Variants in DCLK2 observed in about 807,000 individuals in gnomAD.
DCLK2 encodes serine/threonine-protein kinase DCLK2.
A neutral mutation model predicts 78.4 loss-of-function variants in DCLK2; 31 were observed. The ratio of observed to expected loss-of-function variants is 0.40; its 90% CI spans 0.30 to 0.53. DCLK2 has a LOEUF of 0.53. Among genes scored for constraint, DCLK2 ranks in the 20% least tolerant of loss-of-function variants. The probability of loss-of-function intolerance (pLI) is 0.61; values close to 1 mark genes in which losing one functional copy is unlikely to be tolerated. For missense variants in DCLK2, 872 were observed against 973.7 expected (o/e 0.90, Z 1.39); for synonymous variants, 407 against 374.9 (o/e 1.09, Z -0.99).
chr4:150,088,236 G>A (rs1729780193), intron 1 of DCLK2, among the ~76,000 whole-genome samples: 2 of 152,100 alleles, frequency 1.3e-5, no homozygotes, highest in Admixed American at 6.6e-5. Flanking sequence ...AAGCCTGTGT[G>A]GGAGAACTTG....
chr4:150,079,691 A>G (rs142741339), intron 1 of DCLK2, among the ~76,000 whole-genome samples: 1 of 151,986 alleles, frequency 6.6e-6, no homozygotes, highest in Non-Finnish European at 1.5e-5. Flanking sequence ...GGTCAGGCCA[A>G]TTTAGGCACT....
chr4:150,154,706 T>C (rs1027273292), intron 2 of DCLK2, among the ~76,000 whole-genome samples: 1 of 152,318 alleles, frequency 6.6e-6, no homozygotes, highest in Non-Finnish European at 1.5e-5. Flanking sequence ...TGATGGTTTT[T>C]ATTGTTTGAT....
At chr4:150,137,170 T>C (rs1049673094) in intron 2 of DCLK2, among the ~76,000 whole-genome samples, 3 of 151,950 alleles carry the variant, frequency 2.0e-5, no homozygotes, top group Non-Finnish European at 4.4e-5. Context: ...AAATGGTGGC[T>C]GCAGCAGCTC....
intron 2 of DCLK2, among the ~76,000 whole-genome samples, chr4:150,135,907 A>G (rs1733653896): frequency 6.6e-6 from 1 of 152,230 alleles, no homozygotes; most frequent in African/African-American, 2.4e-5. Context: ...AGTGAGATGG[A>G]AACCATGGAC....
chr4:150,091,236 C>T (rs964668146), intron 1 of DCLK2, among the ~76,000 whole-genome samples: 1 of 152,284 alleles, frequency 6.6e-6, no homozygotes, highest in Non-Finnish European at 1.5e-5. Context: ...TGAAGGGTAT[C>T]GAATCATCTT....
chr4:150,124,994 A>G lies in DCLK2; in HGVS notation c.756+22182A>G, dbSNP rs1239135489. Among the ~76,000 whole-genome samples, 9 of 152,224 alleles carry G rather than the reference A, an allele frequency of 5.9e-5. No homozygotes were observed. In the South Asian group the frequency reaches 1.4e-3, roughly 24 times the overall value. ...ATATATTTATTTCCCCTGACACACA[A>G]TTCCATTATGAGACAAGTTTCACAC... On this transcript the variant is annotated intron_variant, in intron 2 of 15. Transcript: ENST00000296550.
chr4:150,212,968 C>G (rs1439910403), intron 5 of DCLK2, among the ~76,000 whole-genome samples: 1 of 152,302 alleles, frequency 6.6e-6, no homozygotes, highest in South Asian at 2.1e-4. Flanking sequence ...AGACACCTCT[C>G]TCATCACCCT....
intron 10 of DCLK2, among the ~76,000 whole-genome samples, chr4:150,235,606 G>A (rs1485629182): frequency 2.0e-5 from 3 of 152,140 alleles, no homozygotes; most frequent in African/African-American, 4.8e-5. Flanking sequence ...AGGCTCTTCC[G>A]AGCCTTCAGA....
chr4:150,152,955 A>G (rs1054141956), intron 2 of DCLK2, among the ~76,000 whole-genome samples: 19 of 152,238 alleles, frequency 1.2e-4, no homozygotes, highest in African/African-American at 4.6e-4. Flanking sequence ...GTTAAACAAA[A>G]TACCGTTAGA....
chr4:150,156,575 G>A (rs1022822386), intron 2 of DCLK2, among the ~76,000 whole-genome samples: 4 of 151,740 alleles, frequency 2.6e-5, no homozygotes, highest in African/African-American at 4.8e-5. Context: ...GAAGCCTGAG[G>A]TGGGAGATCA....
intron 2 of DCLK2, among the ~76,000 whole-genome samples, chr4:150,104,641 C>T (rs189867529): frequency 1.3e-5 from 2 of 152,100 alleles, no homozygotes; most frequent in East Asian, 3.9e-4. Context: ...CTTCTTTATT[C>T]ATGAGATCTA....
chr4:150,189,653 G>T (rs1441754064), intron 2 of DCLK2, among the ~76,000 whole-genome samples: 1 of 152,154 alleles, frequency 6.6e-6, no homozygotes, highest in Non-Finnish European at 1.5e-5. Flanking sequence ...GAGGTTAATT[G>T]ATGCCTAGAC....
chr4:150,078,990 C>T lies in DCLK2; in HGVS notation c.-38C>T, dbSNP rs1272108905. 2.7e-6 allele frequency: 4 copies of T among 1,505,578 alleles called. No homozygotes were observed. Among genetic ancestry groups the T allele is most frequent in the Non-Finnish European group, 3.5e-6 (4 of 1,130,742 alleles). 93.3% of individuals were successfully genotyped at this position (1,505,578 alleles called of 1,614,324 possible). On this transcript the variant is annotated 5_prime_UTR_variant, in exon 1 of 16. Transcript: ENST00000296550. Reference sequence around the variant, plus strand: ...CCGGCGCTCGCACCCTTAGTCGGCCCGGAACGTCTTTTTGCGGACGCCCTC... The same window carrying T: ...CCGGCGCTCGCACCCTTAGTCGGCCTGGAACGTCTTTTTGCGGACGCCCTC...
chr4:150,108,919 C>T (rs1474800733), intron 2 of DCLK2, among the ~76,000 whole-genome samples: 1 of 152,156 alleles, frequency 6.6e-6, no homozygotes, highest in Non-Finnish European at 1.5e-5. Flanking sequence ...CACTTCCAGA[C>T]TTTGGGACCA....
intron 2 of DCLK2, among the ~76,000 whole-genome samples, chr4:150,167,088 C>T (rs1431999479): frequency 6.6e-6 from 1 of 152,070 alleles, no homozygotes. Flanking sequence ...ATAAATTGTA[C>T]TCATCAGAAC....
Position 150,203,889 on chromosome 4 carries a change from G to C in DCLK2, c.1056G>C (p.Lys352Asn). The change falls in exon 5 of 16, where the codon AAG becomes AAC. Residue 352 changes from lysine to asparagine, a missense_variant and splice_region_variant. Physicochemically the swap from Lys to Asn is moderately conservative, Grantham distance 94. This residue lies in a region of DCLK2 where 567 missense variants were observed against 593.4 expected (regional missense o/e 0.96). Transcript: ENST00000296550. Reference protein sequence around the residue: ...PTSPGSFRGLKQISAHGRSSS... With the variant: ...PTSPGSFRGLNQISAHGRSSS... ...GTCCAGGAAGTTTCAGAGGATTAAA[G>C]GTATGAAATAGGATATGTGGCATAT... is the stretch of plus-strand genomic sequence containing the variant. The C allele has an allele frequency of 6.2e-7, 1 of 1,607,194 alleles. No individual in the cohort carries two copies. The highest frequency in any genetic ancestry group is 8.5e-7 in the Non-Finnish European group (1 of 1,173,974).
intron 12 of DCLK2, among the ~76,000 whole-genome samples, chr4:150,245,339 A>G (rs976030962): frequency 2.6e-5 from 4 of 152,110 alleles, no homozygotes; most frequent in African/African-American, 9.7e-5. Context: ...TCTGTGGACC[A>G]GTGGGTGTCC....
At chr4:150,141,630 G>C (rs1734108097) in intron 2 of DCLK2, among the ~76,000 whole-genome samples, 1 of 152,178 alleles carries the variant, frequency 6.6e-6, no homozygotes, top group Non-Finnish European at 1.5e-5. Flanking sequence ...CCCATTGAAT[G>C]TATCTAAGCA....
chr4:150,113,735 T>C (rs986702559), intron 2 of DCLK2, among the ~76,000 whole-genome samples: 5 of 152,082 alleles, frequency 3.3e-5, no homozygotes, highest in African/African-American at 1.2e-4. Context: ...TTGTCTTTTT[T>C]ATATCAGTTT....
Sources: gnomAD v4.1 joint callset for allele counts (sites outside exome capture counted in the v4.1 genomes callset) on GRCh38, gnomAD v4.1.1 for gene constraint, gnomAD v4.1.1 regional missense constraint, MANE v1.5 for transcripts, NCBI Gene and HGNC (gene_info 2026-07-23, HGNC 2026-07-21) for gene names.